NMU: variants seen among roughly 807,000 people sequenced by gnomAD.
NMU encodes the protein neuromedin U, also known as neuromedin-U.
NMU carries 29 observed loss-of-function variants against 35.4 expected under a neutral mutation model. The ratio of observed to expected loss-of-function variants is 0.82; its 90% CI spans 0.61 to 1.12. NMU has a LOEUF of 1.12. Among genes scored for constraint, NMU ranks in the 50% most tolerant of loss-of-function variants. The pLI is 0.00. For synonymous variants in NMU, 78 were observed against 81.3 expected (o/e 0.96, Z 0.22); for missense variants, 199 against 206.2 (o/e 0.97, Z 0.21).
intron 2 of NMU, among the ~76,000 whole-genome samples, chr4:55,626,053 A>G (rs1290442381): frequency 6.6e-6 from 1 of 152,048 alleles, no homozygotes; most frequent in Non-Finnish European, 1.5e-5. Flanking sequence ...GATCGTGGGG[A>G]TATCTAGGTT....
intron 6 of NMU, among the ~76,000 whole-genome samples, chr4:55,607,092 T>C (rs1420931621): frequency 1.3e-5 from 2 of 152,220 alleles, no homozygotes; most frequent in Non-Finnish European, 2.9e-5. Flanking sequence ...AATGAATGAA[T>C]GAACGAATCA....
intron 2 of NMU, among the ~76,000 whole-genome samples, chr4:55,626,186 A>G (rs1577960585): frequency 6.6e-6 from 1 of 152,358 alleles, no homozygotes; most frequent in African/African-American, 2.4e-5. Flanking sequence ...TCTAATAGGT[A>G]GAAAGTGACA....
intron 1 of NMU, among the ~76,000 whole-genome samples, chr4:55,633,480 C>G (rs570478637): frequency 6.6e-6 from 1 of 152,086 alleles, no homozygotes; most frequent in Non-Finnish European, 1.5e-5. Flanking sequence ...AAGAGCAATA[C>G]TGTAATTAGG....
At chr4:55,613,193 C>T (rs914904691) in intron 3 of NMU, among the ~76,000 whole-genome samples, 67 of 152,176 alleles carry the variant, frequency 4.4e-4, no homozygotes, top group African/African-American at 1.6e-3. Flanking sequence ...AAAAAAATAC[C>T]TATTTAGTAC....
chr4:55,598,598 G>A (rs1032153078), intron 9 of NMU, among the ~76,000 whole-genome samples: 4 of 152,136 alleles, frequency 2.6e-5, no homozygotes, highest in Middle Eastern at 6.3e-3. Context: ...CCAGCACTGA[G>A]GTAGAAATTC....
At chr4:55,630,648 C>T (rs1350643554) in intron 1 of NMU, among the ~76,000 whole-genome samples, 188 bp from the exon 2 acceptor site, 4 of 152,040 alleles carry the variant, frequency 2.6e-5, no homozygotes, top group Non-Finnish European at 4.4e-5. Context: ...AATAACATTA[C>T]GAAGATATTA....
At chr4:55,599,216 A>C in intron 8 of NMU, 35 bp from the exon 9 acceptor site, 3 of 1,516,676 alleles carry the variant, frequency 2.0e-6, no homozygotes, top group Non-Finnish European at 2.7e-6. Context: ...AATCAGTGTA[A>C]CTAAAGATGC....
intron 1 of NMU, among the ~76,000 whole-genome samples, chr4:55,635,410 G>GCTGTCGCACTGCCTGAAAGC (rs1222902650): frequency 3.3e-5 from 5 of 152,164 alleles, no homozygotes; most frequent in African/African-American, 1.2e-4. Flanking sequence ...ACTTGCTGTA[G>GCTGTCGCACTGCCTGAAAGC]CTGTCGCACT....
rs1040034118 is a variant in NMU, at chr4:55,600,512, A to G, written c.489+10T>C. On this transcript the variant is annotated intron_variant, in intron 8 of 9. Transcript: ENST00000264218. The stretch of plus-strand genomic sequence containing the variant: ...TAGATTGATTTTTTAAAAATACAGT[A>G]TGTACCTACCCTGAATAAAAAATAT... The G allele has an allele frequency of 1.3e-6, 2 of 1,573,928 alleles. No individual in the cohort carries two copies. Among genetic ancestry groups the G allele is most frequent in the African/African-American group, 1.4e-5 (1 of 73,534 alleles).
intron 6 of NMU, among the ~76,000 whole-genome samples, 187 bp downstream of exon 6, chr4:55,607,111 T>C (rs116501558): frequency 0.022 from 3,303 of 152,322 alleles, 108 homozygotes; most frequent in African/African-American, 0.075. Flanking sequence ...CAATTTAATG[T>C]ACAGGTAGTA....
At chr4:55,608,674 T>C (rs527736173) in intron 4 of NMU, among the ~76,000 whole-genome samples, 3 of 151,810 alleles carry the variant, frequency 2.0e-5, no homozygotes, top group African/African-American at 7.2e-5. Context: ...GTAATTTTAA[T>C]AAGAAACCAA....
At chr4:55,619,367 C>T (rs1311441469) in intron 2 of NMU, among the ~76,000 whole-genome samples, 40 of 135,096 alleles carry the variant, frequency 3.0e-4, no homozygotes, top group Non-Finnish European at 5.0e-4. Flanking sequence ...CGCAAGGGGT[C>T]AGGGAGTTCC....
Position 55,600,513 on chromosome 4 carries a change from T to G in NMU, c.489+9A>C. ...AGATTGATTTTTTAAAAATACAGTATGTACCTACCCTGAATAAAAAATATC... is the reference window on the plus strand; with the variant it reads ...AGATTGATTTTTTAAAAATACAGTAGGTACCTACCCTGAATAAAAAATATC... On this transcript the variant is annotated intron_variant, in intron 8 of 9. Coordinates refer to ENST00000264218, the MANE Select transcript of NMU (RefSeq NM_006681.4). 1 of 1,578,946 alleles carries G rather than the reference T, an allele frequency of 6.3e-7. No individual in the cohort carries two copies. Among genetic ancestry groups the G allele is most frequent in the South Asian group, 1.1e-5 (1 of 90,164 alleles).
At chr4:55,630,174 G>C (rs910733310) in intron 2 of NMU, among the ~76,000 whole-genome samples, 1 of 151,782 alleles carries the variant, frequency 6.6e-6, no homozygotes, top group Non-Finnish European at 1.5e-5. Flanking sequence ...CTCTGTTCTT[G>C]TATTACTCTA....
chr4:55,602,352 C>T (rs1338861936), intron 7 of NMU, among the ~76,000 whole-genome samples: 1 of 152,182 alleles, frequency 6.6e-6, no homozygotes, highest in Non-Finnish European at 1.5e-5. Context: ...GAACACTCTC[C>T]TGCAATTGCA....
intron 3 of NMU, among the ~76,000 whole-genome samples, chr4:55,613,872 G>A (rs1463408986): frequency 6.6e-6 from 1 of 152,062 alleles, no homozygotes; most frequent in African/African-American, 2.4e-5. Context: ...CTGATAGCCA[G>A]CCAGCGACCA....
intron 1 of NMU, among the ~76,000 whole-genome samples, chr4:55,633,362 T>C (rs1715724165): frequency 1.3e-5 from 2 of 151,568 alleles, no homozygotes; most frequent in Admixed American, 1.3e-4. Flanking sequence ...AAGCGACTAA[T>C]ATCCTATGAC....
In NMU at chr4:55,634,101, G is replaced by A. The variant is rs569816641; in HGVS notation, c.112+1980C>T. Among the ~76,000 whole-genome samples, 8 of 152,146 alleles carry A rather than the reference G, an allele frequency of 5.3e-5. No individual in the cohort carries two copies. In the South Asian group the frequency reaches 1.2e-3, roughly 24 times the overall value. Reference sequence around the variant, plus strand: ...CACTTTTATTTTCCTCTGGCGTTGCGACATTTGTTATGTTGTTTTTCGAGG... The same window carrying A: ...CACTTTTATTTTCCTCTGGCGTTGCAACATTTGTTATGTTGTTTTTCGAGG... On this transcript the variant is annotated intron_variant, in intron 1 of 9. Coordinates refer to ENST00000264218, the MANE Select transcript of NMU (RefSeq NM_006681.4).
intron 2 of NMU, among the ~76,000 whole-genome samples, chr4:55,618,846 T>G (rs956777230): frequency 2.0e-5 from 3 of 151,030 alleles, no homozygotes; most frequent in Non-Finnish European, 4.4e-5. Context: ...TTTCTCTCTC[T>G]TTCTTTCTTC....
Sources: allele counts gnomAD v4.1 joint callset (sites outside exome capture counted in the v4.1 genomes callset), GRCh38; gene constraint gnomAD v4.1.1; transcripts MANE v1.5; gene names NCBI Gene and HGNC (gene_info 2026-07-23, HGNC 2026-07-21).